SLC24A2: variants seen among roughly 807,000 people sequenced by gnomAD.
SLC24A2 encodes solute carrier family 24 member 2, also known as sodium/potassium/calcium exchanger 2.
SLC24A2 carries 36 observed loss-of-function variants against 62.0 expected under a neutral mutation model. The ratio of observed to expected loss-of-function variants is 0.58; its 90% CI spans 0.44 to 0.77. The LOEUF is 0.77. SLC24A2 is among the 30% of genes least tolerant of loss of function. The pLI is 0.00. For missense variants in SLC24A2, 846 were observed against 817.9 expected (o/e 1.03, Z -0.42); for synonymous variants, 358 against 294.0 (o/e 1.22, Z -2.23).
At chr9:19,687,461 A>C (rs185012276) in intron 2 of SLC24A2, among the ~76,000 whole-genome samples, 1 of 152,214 alleles carries the variant, frequency 6.6e-6, no homozygotes, top group Non-Finnish European at 1.5e-5. Flanking sequence ...GAGCAAACAG[A>C]CAAATTCCTT....
chr9:19,722,107 C>T (rs1019609467), intron 2 of SLC24A2, among the ~76,000 whole-genome samples: 3 of 152,070 alleles, frequency 2.0e-5, no homozygotes, highest in African/African-American at 7.2e-5. Flanking sequence ...CATGTTACTT[C>T]CATGGTCATG....
At chr9:20,017,614 G>C in the SLC24A2 span, among the ~76,000 whole-genome samples, 702 of 152,214 alleles carry the variant, frequency 4.6e-3, 5 homozygotes, top group Non-Finnish European at 7.2e-3. Flanking sequence ...GCCAGTGCGA[G>C]CCCCAAAACC....
the SLC24A2 span, among the ~76,000 whole-genome samples, chr9:19,807,647 A>T: frequency 6.6e-6 from 1 of 152,232 alleles, no homozygotes; most frequent in South Asian, 2.1e-4. Context: ...TCGAAATTGG[A>T]GGAAGTCTGT....
chr9:19,706,176 A>G (rs2118560868), intron 2 of SLC24A2, among the ~76,000 whole-genome samples: 1 of 151,056 alleles, frequency 6.6e-6, no homozygotes, highest in African/African-American at 2.4e-5. Context: ...TGATCCCTTT[A>G]CCATTATGTA....
At chr9:19,769,353 C>T (rs1030805135) in intron 2 of SLC24A2, among the ~76,000 whole-genome samples, 4 of 152,224 alleles carry the variant, frequency 2.6e-5, no homozygotes, top group Non-Finnish European at 5.9e-5. Flanking sequence ...CCACTGTTAC[C>T]CACCTGATTC....
At chr9:20,036,095 T>C in the SLC24A2 span, among the ~76,000 whole-genome samples, 1 of 152,132 alleles carries the variant, frequency 6.6e-6, no homozygotes, top group Non-Finnish European at 1.5e-5. Context: ...TGAGCAGAAG[T>C]TTTGAAAAGA....
intron 5 of SLC24A2, among the ~76,000 whole-genome samples, chr9:19,593,359 A>C (rs2132891180): frequency 6.6e-6 from 1 of 152,260 alleles, no homozygotes; most frequent in South Asian, 2.1e-4. Context: ...ATAAAAAAGT[A>C]GATAAAATTT....
the SLC24A2 span, among the ~76,000 whole-genome samples, chr9:19,914,719 C>T: frequency 1.3e-5 from 2 of 151,938 alleles, no homozygotes; most frequent in Non-Finnish European, 2.9e-5. Context: ...AAAGTTATCT[C>T]GTTTGAACCA....
At chr9:19,847,346 T>G in the SLC24A2 span, among the ~76,000 whole-genome samples, 1 of 152,208 alleles carries the variant, frequency 6.6e-6, no homozygotes, top group Non-Finnish European at 1.5e-5. Flanking sequence ...ATAAATTGCA[T>G]TATTTATCAG....
the SLC24A2 span, among the ~76,000 whole-genome samples, chr9:19,975,934 C>A: frequency 7.8e-6 from 1 of 128,296 alleles, no homozygotes; most frequent in South Asian, 2.3e-4. Flanking sequence ...GAGACAGTAT[C>A]TTGTTCTATC....
chr9:19,944,078 A>C, the SLC24A2 span, among the ~76,000 whole-genome samples: 5 of 152,284 alleles, frequency 3.3e-5, no homozygotes, highest in South Asian at 1.0e-3. Context: ...CATGGACATA[A>C]AGATGGCAAC....
chr9:20,023,888 C>T, the SLC24A2 span, among the ~76,000 whole-genome samples: 1 of 152,084 alleles, frequency 6.6e-6, no homozygotes, highest in Non-Finnish European at 1.5e-5. Flanking sequence ...ATATGTTTTC[C>T]GAAGAATTAA....
At chr9:20,179,700 T>G in the SLC24A2 span, among the ~76,000 whole-genome samples, 65 of 152,254 alleles carry the variant, frequency 4.3e-4, 1 homozygote, top group South Asian at 1.0e-2. Flanking sequence ...TAATAACATT[T>G]AAATTGACTA....
chr9:20,289,625 G>A, the SLC24A2 span, among the ~76,000 whole-genome samples: 1 of 152,152 alleles, frequency 6.6e-6, no homozygotes, highest in Non-Finnish European at 1.5e-5. Context: ...GACAAAGTCA[G>A]GCCCAGAGTC....
the SLC24A2 span, among the ~76,000 whole-genome samples, chr9:19,916,631 C>T: frequency 1.3e-5 from 2 of 151,734 alleles, no homozygotes; most frequent in African/African-American, 2.4e-5. Flanking sequence ...TGCTTTTTTC[C>T]ACTTAGCATT....
chr9:20,213,892 A>G, the SLC24A2 span, among the ~76,000 whole-genome samples: 16 of 152,306 alleles, frequency 1.1e-4, no homozygotes, highest in African/African-American at 3.1e-4. Flanking sequence ...ATTATGATCT[A>G]TATCATTGTA....
intron 1 of SLC24A2, 73 bp downstream of exon 1, chr9:19,788,812 C>G: frequency 2.0e-6 from 2 of 985,434 alleles, no homozygotes; most frequent in Non-Finnish European, 2.4e-6. Context: ...CAACGGGATG[C>G]GCGCAACCGG....
chr9:19,765,676 T>G (rs1822492884), intron 2 of SLC24A2, among the ~76,000 whole-genome samples: 1 of 152,260 alleles, frequency 6.6e-6, no homozygotes, highest in South Asian at 2.1e-4. Flanking sequence ...GCTGTTAGTC[T>G]GATGGCTTCC....
the SLC24A2 span, among the ~76,000 whole-genome samples, chr9:20,273,572 T>C: frequency 6.6e-6 from 1 of 152,202 alleles, no homozygotes; most frequent in Admixed American, 6.5e-5. Flanking sequence ...AGAGTTTCTC[T>C]TCACAAGCTC....
Sources: gnomAD v4.1 joint callset for allele counts (sites outside exome capture counted in the v4.1 genomes callset) on GRCh38, gnomAD v4.1.1 for gene constraint, MANE v1.5 for transcripts, NCBI Gene and HGNC (gene_info 2026-07-23, HGNC 2026-07-21) for gene names.